Variants in NRG1 observed in about 807,000 individuals in gnomAD.
NRG1 encodes the protein pro-neuregulin-1, membrane-bound isoform.
A neutral mutation model predicts 63.8 loss-of-function variants in NRG1; 18 were observed. The ratio of observed to expected loss-of-function variants is 0.28; its 90% confidence interval spans 0.19 to 0.42. The LOEUF is 0.42. Ranked by LOEUF, NRG1 falls within the 10% of genes least tolerant of loss-of-function variation. The probability of loss-of-function intolerance (pLI) is 1.00; values close to 1 mark genes in which losing one functional copy is unlikely to be tolerated. For synonymous variants in NRG1, 302 were observed against 301.3 expected, an observed-to-expected ratio of 1.00 and a Z score of -0.02; for missense variants, 762 against 814.7, an observed-to-expected ratio of 0.94 and a Z score of 0.79.
intron 1 of NRG1, among the ~76,000 whole-genome samples, chr8:31,752,431 C>G (rs930722711): frequency 6.6e-6 from 1 of 151,922 alleles, no homozygotes; most frequent in Non-Finnish European, 1.5e-5. Flanking sequence ...CAGTGATAGA[C>G]AGTGAAGGAA....
At chr8:32,487,150 TA>T (rs5890654) in intron 1 of NRG1, among the ~76,000 whole-genome samples, 90,086 of 143,772 alleles carry the variant, frequency 0.63, 27,790 homozygotes, top group East Asian at 0.74. Context: ...CCACTATTGA[TA>T]AAAAAAAAAA....
rs772620596 is a variant in NRG1, at chr8:31,640,669, C to T, written c.37+1238C>T. The T allele has an allele frequency of 5.6e-6, 9 of 1,607,884 alleles. No homozygotes were observed. Among genetic ancestry groups the T allele is most frequent in the Admixed American group, 5.0e-5 (3 of 59,634 alleles). ...GGCCGCCTTCCGAGCCTCTTTCCCC[C>T]CTCTGGAGACGGGCCGGAACCTCAA... On this transcript the variant is annotated intron_variant, in intron 1 of 10. Coordinates refer to the NRG1 transcript ENST00000519301. The surrounding 1 kb of genome is among the most constrained non-coding windows in gnomAD (Gnocchi z 6.3).
chr8:32,284,393 TC>T (rs1324457212), intron 1 of NRG1, among the ~76,000 whole-genome samples: 1 of 152,062 alleles, frequency 6.6e-6, no homozygotes, highest in Admixed American at 6.6e-5. Context: ...CCAATCTCTT[TC>T]CCCTACCATA....
At chr8:32,043,624 G>C (rs536509053) in intron 1 of NRG1, among the ~76,000 whole-genome samples, 18 of 151,874 alleles carry the variant, frequency 1.2e-4, no homozygotes, top group Non-Finnish European at 2.2e-4. Context: ...TTTTTATCCA[G>C]TATGCATATT....
At chr8:32,575,492 G>T (rs1839457087) in intron 1 of NRG1, among the ~76,000 whole-genome samples, 1 of 151,828 alleles carries the variant, frequency 6.6e-6, no homozygotes, top group South Asian at 2.1e-4. Context: ...CTGGAGATAG[G>T]GCATGAGTAA....
chr8:32,465,659 C>T (rs191821460), intron 1 of NRG1, among the ~76,000 whole-genome samples: 12 of 152,276 alleles, frequency 7.9e-5, no homozygotes, highest in African/African-American at 2.9e-4. Context: ...TCGAATCCAG[C>T]AGTTATTATT....
chr8:32,255,061 C>T (rs1442076054), intron 1 of NRG1, among the ~76,000 whole-genome samples: 1 of 152,170 alleles, frequency 6.6e-6, no homozygotes, highest in Non-Finnish European at 1.5e-5. Context: ...ATTCCTCCAT[C>T]CCTTTATTTT....
At chr8:32,576,365 A>T (rs563477740) in intron 1 of NRG1, among the ~76,000 whole-genome samples, 16 of 152,208 alleles carry the variant, frequency 1.1e-4, no homozygotes, top group African/African-American at 3.9e-4. Flanking sequence ...TAAACCCTGT[A>T]TTGACTCCTG....
intron 1 of NRG1, among the ~76,000 whole-genome samples, chr8:31,707,559 C>T (rs1048178627): frequency 6.6e-6 from 1 of 152,028 alleles, no homozygotes; most frequent in Admixed American, 6.5e-5. Context: ...AATTTTATTA[C>T]ATTTTCAAAT....
intron 1 of NRG1, among the ~76,000 whole-genome samples, chr8:31,862,169 C>T (rs1296345649): frequency 6.6e-6 from 1 of 152,178 alleles, no homozygotes; most frequent in Admixed American, 6.5e-5. Flanking sequence ...TTCTAATTTA[C>T]ATCAGGGAGC....
At chr8:32,449,147 A>AT (rs1315209775) in intron 1 of NRG1, among the ~76,000 whole-genome samples, 1 of 151,994 alleles carries the variant, frequency 6.6e-6, no homozygotes, top group African/African-American at 2.4e-5. Flanking sequence ...AAGTACAACA[A>AT]TTAGCTGGGC....
intron 1 of NRG1, among the ~76,000 whole-genome samples, chr8:32,412,431 T>TATATATATATATAC (rs1815150956): frequency 2.3e-5 from 1 of 43,922 alleles, no homozygotes; most frequent in East Asian, 7.7e-4. Context: ...TACATATATA[T>TATATATATATATAC]ATATATATAT....
chr8:32,145,729 G>A (rs557287224), intron 1 of NRG1, among the ~76,000 whole-genome samples: 2 of 152,220 alleles, frequency 1.3e-5, no homozygotes, highest in African/African-American at 2.4e-5. Flanking sequence ...GCCATCATGA[G>A]AGCCTGCCTC....
chr8:32,109,241 A>G (rs946559255), intron 1 of NRG1, among the ~76,000 whole-genome samples: 8 of 152,162 alleles, frequency 5.3e-5, no homozygotes, highest in African/African-American at 1.9e-4. Context: ...TCATGCACAC[A>G]TATCATTCAT....
At chr8:32,362,888 G>A (rs977870913) in intron 1 of NRG1, among the ~76,000 whole-genome samples, 2 of 152,244 alleles carry the variant, frequency 1.3e-5, no homozygotes, top group East Asian at 1.9e-4. Flanking sequence ...GAGAACATTG[G>A]GAGCCTGAAG....
intron 1 of NRG1, among the ~76,000 whole-genome samples, chr8:32,011,991 G>A (rs558408528): frequency 4.6e-5 from 7 of 152,072 alleles, no homozygotes; most frequent in African/African-American, 1.7e-4. Context: ...AGAGAGACTG[G>A]GGAAAAATTT....
At chr8:32,280,691 GTTTTTTTTTTTT>G (rs1174950316) in intron 1 of NRG1, among the ~76,000 whole-genome samples, 1 of 57,628 alleles carries the variant, frequency 1.7e-5, no homozygotes, top group African/African-American at 5.5e-5. Context: ...TTTTTTTTTT[GTTTTTTTTTTTT>G]TTTTTTTTTT....
At chr8:32,533,800 TTATGTA>T (rs1192067002) in intron 1 of NRG1, among the ~76,000 whole-genome samples, 4 of 152,070 alleles carry the variant, frequency 2.6e-5, no homozygotes, top group African/African-American at 9.7e-5. Flanking sequence ...TATCACATGT[TTATGTA>T]TAAGTTTAAA....
chr8:31,766,130 C>G (rs948812225), intron 1 of NRG1, among the ~76,000 whole-genome samples: 1 of 152,042 alleles, frequency 6.6e-6, no homozygotes, highest in Non-Finnish European at 1.5e-5. Context: ...AAGTGTACAT[C>G]TAGTTCCACC....
Sources: allele counts gnomAD v4.1 joint callset (sites outside exome capture counted in the v4.1 genomes callset), GRCh38; gene constraint gnomAD v4.1.1; non-coding constraint Gnocchi (gnomAD v3.1); transcripts MANE v1.5; gene names NCBI Gene and HGNC (gene_info 2026-07-23, HGNC 2026-07-21).